SRM: variants seen among roughly 807,000 people sequenced by gnomAD.
The protein encoded by SRM is spermidine synthase.
In SRM, 14 loss-of-function variants were observed where a neutral mutation model predicts 39.3. The observed-to-expected ratio is 0.36, with a 90% confidence interval of 0.24 to 0.56. The LOEUF (loss-of-function observed/expected upper bound fraction) is 0.56. SRM is among the 20% of genes least tolerant of loss of function. The pLI is 0.86. For synonymous variants in SRM, 195 were observed against 173.1 expected (o/e 1.13, Z -0.99); for missense variants, 244 against 409.2 (o/e 0.60, Z 3.48).
At chr1:11,058,369 C>G (rs1264956296) in intron 3 of SRM, among the ~76,000 whole-genome samples, 1 of 151,942 alleles carries the variant, frequency 6.6e-6, no homozygotes, top group Non-Finnish European at 1.5e-5. Flanking sequence ...CGAGACCAGC[C>G]TGACCAACAT....
intron 2 of SRM, 149 bp downstream of exon 2, chr1:11,059,076 G>T (rs1292082456): frequency 7.0e-7 from 1 of 1,428,816 alleles, no homozygotes; most frequent in East Asian, 2.3e-5. Flanking sequence ...TTCCGAGGCC[G>T]CGTCAGTGTC....
chr1:11,057,471 T>A (rs1001482683), intron 3 of SRM, among the ~76,000 whole-genome samples: 6 of 149,352 alleles, frequency 4.0e-5, no homozygotes, highest in East Asian at 2.0e-4. Flanking sequence ...TTTTTTTTTT[T>A]TTTTTTTATT....
chr1:11,059,597 C>A (rs981860419), intron 1 of SRM, 180 bp downstream of exon 1: 3 of 937,146 alleles, frequency 3.2e-6, no homozygotes, highest in African/African-American at 1.7e-5. Flanking sequence ...ACTCCCCCAC[C>A]CAAGAGGCCA....
rs144388139 is a variant in SRM, at chr1:11,056,145, G to A, written c.536-51C>T. The A allele has an allele frequency of 1.0e-4, 155 of 1,505,136 alleles. No homozygotes were observed. In the East Asian group the frequency reaches 3.6e-3, roughly 35 times the overall value. 93.2% of individuals were successfully genotyped at this position (1,505,136 alleles called of 1,614,324 possible). On this transcript the variant is annotated intron_variant, in intron 4 of 7. Coordinates refer to ENST00000376957, the MANE Select transcript of SRM (RefSeq NM_003132.3). ...TGAACAGTCTGGCTGTGACCTCCAGGGCCACTGTCACCCACACAGCTACCA... is the reference window on the plus strand; with the variant it reads ...TGAACAGTCTGGCTGTGACCTCCAGAGCCACTGTCACCCACACAGCTACCA...
intron 5 of SRM, 33 bp from the exon 6 acceptor site, chr1:11,055,959 G>GCCTGCCCTGC: frequency 6.3e-7 from 1 of 1,588,776 alleles, no homozygotes; most frequent in Non-Finnish European, 8.6e-7. Context: ...ATCCGGCAGG[G>GCCTGCCCTGC]CCTGCCCTGC....
chr1:11,059,422 A>G, intron 1 of SRM, 77 bp from the exon 2 acceptor site: 1 of 1,589,394 alleles, frequency 6.3e-7, no homozygotes, highest in South Asian at 1.1e-5. Context: ...CTGGGTGAGG[A>G]GGGTCTCCCC....
intron 3 of SRM, among the ~76,000 whole-genome samples, chr1:11,058,213 T>C (rs1301668337): frequency 6.6e-6 from 1 of 152,124 alleles, no homozygotes; most frequent in Non-Finnish European, 1.5e-5. Context: ...GTGTAAGGGG[T>C]AACGTACAAA....
intron 3 of SRM, among the ~76,000 whole-genome samples, chr1:11,057,368 G>A (rs890448333): frequency 6.6e-6 from 1 of 151,762 alleles, no homozygotes; most frequent in African/African-American, 2.4e-5. Flanking sequence ...GCCCAGGCTG[G>A]AGTGCAGTGG....
intron 6 of SRM, 37 bp downstream of exon 6, chr1:11,055,744 T>TCCCCCCCACCCCCCCCCCCCCACA: frequency 3.7e-6 from 5 of 1,336,818 alleles, no homozygotes; most frequent in Non-Finnish European, 5.2e-6. Context: ...ATGCCCACCT[T>TCCCCCCCACCCCCCCCCCCCCACA]CCCCCCAACC....
intron 2 of SRM, 92 bp from the exon 3 acceptor site, chr1:11,058,984 G>T: frequency 7.5e-7 from 1 of 1,336,532 alleles, no homozygotes; most frequent in Non-Finnish European, 1.0e-6. Context: ...CGGACCCACG[G>T]GCCTCATCTT....
At chr1:11,055,148 T>C (rs1175514725) in intron 6 of SRM, 64 bp from the exon 7 acceptor site, 16 of 1,495,524 alleles carry the variant, frequency 1.1e-5, no homozygotes, top group Non-Finnish European at 1.4e-5. Flanking sequence ...TGAGACGGAG[T>C]CTCACTGTTG....
In SRM at chr1:11,060,015, C is replaced by A; in HGVS notation, c.-72G>T. Reference sequence around the variant, plus strand: ...GCGCGGCGCCGCAGCACAACGGGACCAGCTCCGCCCGCCGCCCGCGCCGCA... The same window carrying A: ...GCGCGGCGCCGCAGCACAACGGGACAAGCTCCGCCCGCCGCCCGCGCCGCA... On this transcript the variant is annotated 5_prime_UTR_variant, in exon 1 of 8. Coordinates refer to ENST00000376957, the MANE Select transcript of SRM (RefSeq NM_003132.3). The A allele has an allele frequency of 1.2e-6, 1 of 813,000 alleles. No homozygotes were observed. Among genetic ancestry groups the A allele is most frequent in the Non-Finnish European group, 1.5e-6 (1 of 674,746 alleles). The allele number at this position is 813,000 out of a possible 1,614,324, so 50.4% of individuals were successfully genotyped here.
chr1:11,057,276 C>T (rs1638896244), intron 3 of SRM, among the ~76,000 whole-genome samples: 1 of 151,948 alleles, frequency 6.6e-6, no homozygotes, highest in African/African-American at 2.4e-5. Flanking sequence ...CTACCCCCTC[C>T]TTCCAGACCA....
chr1:11,056,894 T>G (rs1244756468), intron 3 of SRM, 137 bp from the exon 4 acceptor site: 2 of 851,102 alleles, frequency 2.3e-6, no homozygotes, highest in African/African-American at 3.4e-5. Flanking sequence ...TTATTTTTTT[T>G]TGAGACAGGG....
Position 11,058,839 on chromosome 1 carries a change from G to A in SRM, c.342C>T (p.His114=), listed in dbSNP as rs1418928562. The change falls in exon 3 of 8, where the codon CAC becomes CAT. Residue 114 remains histidine, a synonymous_variant. Transcript: ENST00000376957. ...ACTGGACCACGGACTCCACGGAGGG[G>A]TGCTTCACCACCTCCCGCAGGACAC... ...DGGVLREVVK[H]PSVESVVQCE... is the part of the protein sequence containing the mutation. 4.3e-6 allele frequency: 7 copies of A among 1,611,918 alleles called. No individual in the cohort carries two copies. The South Asian group carries it at 6.6e-5, about 15-fold the overall frequency.
rs552313900 is a variant in SRM, at chr1:11,058,455, G to A, written c.381+345C>T. On this transcript the variant is annotated intron_variant, in intron 3 of 7. Coordinates refer to ENST00000376957, the MANE Select transcript of SRM (RefSeq NM_003132.3). Reference sequence around the variant, plus strand: ...GCATGTCTGTAATCCCAGCTACTCCGGAGGCTGAGGCAGAAGAACTACTTG... The same window carrying A: ...GCATGTCTGTAATCCCAGCTACTCCAGAGGCTGAGGCAGAAGAACTACTTG... 5.3e-5 allele frequency among the ~76,000 whole-genome samples: 8 copies of A among 151,794 alleles called. No homozygotes were observed. The South Asian group carries it at 1.0e-3, about 20-fold the overall frequency.
chr1:11,054,904 A>G lies in SRM; in HGVS notation c.889-19T>C. 6.2e-7 allele frequency: 1 copy of G among 1,611,544 alleles called. No individual in the cohort carries two copies. The highest frequency in any genetic ancestry group is 1.1e-5 in the South Asian group (1 of 90,884). ...TCAGGGCCTGGAGGGACATGAGGCC[A>G]GTCAGGAGGGCGCTCTGGGTCCCTG... On this transcript the variant is annotated intron_variant, in intron 7 of 7. Coordinates refer to ENST00000376957, the MANE Select transcript of SRM (RefSeq NM_003132.3). This position sits in a 1 kb window ranked among gnomAD's most constrained non-coding sequence, Gnocchi z 4.8.
chr1:11,056,816 C>T (rs1638886860), intron 3 of SRM, 59 bp from the exon 4 acceptor site: 2 of 1,594,300 alleles, frequency 1.3e-6, no homozygotes, highest in Non-Finnish European at 1.7e-6. Flanking sequence ...GGAGCCAGCA[C>T]AGCCACGTGG....
chr1:11,054,827 T>TC lies in SRM; in HGVS notation c.*37dup. ...CCGAGGCACCCCGCAGGCTCCAAGGTCCGAGGTCCTGGGTGGCATCAGTGG... is the reference window on the plus strand; with the variant it reads ...CCGAGGCACCCCGCAGGCTCCAAGGTCCCGAGGTCCTGGGTGGCATCAGTGG... On this transcript the variant is annotated 3_prime_UTR_variant, in exon 8 of 8. Transcript: ENST00000376957. The surrounding 1 kb of genome is among the most constrained non-coding windows in gnomAD (Gnocchi z 4.8). 6.3e-7 allele frequency: 1 copy of TC among 1,578,252 alleles called. No individual in the cohort carries two copies. The highest frequency in any genetic ancestry group is 8.6e-7 in the Non-Finnish European group (1 of 1,160,350).
Sources: allele counts gnomAD v4.1 joint callset (sites outside exome capture counted in the v4.1 genomes callset), GRCh38; gene constraint gnomAD v4.1.1; non-coding constraint Gnocchi (gnomAD v3.1); transcripts MANE v1.5; gene names NCBI Gene and HGNC (gene_info 2026-07-23, HGNC 2026-07-21).